UBE2D3: variants seen among roughly 807,000 people sequenced by gnomAD.
UBE2D3 encodes the protein ubiquitin-conjugating enzyme E2 D3.
UBE2D3 carries 2 observed loss-of-function variants against 22.8 expected under a neutral mutation model. The ratio of observed to expected loss-of-function variants is 0.09; its 90% CI spans 0.04 to 0.28. UBE2D3 has a LOEUF of 0.28. Among genes scored for constraint, UBE2D3 ranks in the 10% least tolerant of loss-of-function variants. The pLI is 1.00. For synonymous variants in UBE2D3, 56 were observed against 60.4 expected (o/e 0.93, Z 0.34); for missense variants, 27 against 182.5 (o/e 0.15, Z 4.91).
intron 1 of UBE2D3, among the ~76,000 whole-genome samples, chr4:102,834,560 G>T (rs990422472): frequency 6.6e-6 from 1 of 151,836 alleles, no homozygotes; most frequent in Non-Finnish European, 1.5e-5. Flanking sequence ...GACCATCTTG[G>T]GCAACATGGC....
chr4:102,845,231 A>G (rs546808441), intron 1 of UBE2D3, among the ~76,000 whole-genome samples: 6 of 152,196 alleles, frequency 3.9e-5, no homozygotes, highest in African/African-American at 1.2e-4. Context: ...AAACAAAACA[A>G]AACAAAACAA....
upstream of UBE2D3, chr4:102,828,332 C>T: frequency 1.1e-6 from 1 of 924,432 alleles, no homozygotes; most frequent in Non-Finnish European, 1.3e-6. Context: ...GCAGTATTTA[C>T]TCGCCTGCCC....
At chr4:102,804,994 G>A (rs1363648748) in intron 4 of UBE2D3, among the ~76,000 whole-genome samples, 4 of 152,122 alleles carry the variant, frequency 2.6e-5, no homozygotes, top group Admixed American at 2.0e-4. Context: ...CCCAAACATT[G>A]AAGTTTTAAT....
intron 1 of UBE2D3, among the ~76,000 whole-genome samples, chr4:102,854,570 A>T (rs77817550): frequency 0.012 from 1,808 of 152,292 alleles, 19 homozygotes; most frequent in African/African-American, 0.036. Context: ...TCTATCCCTG[A>T]CAGTTTTCCT....
Position 102,809,657 on chromosome 4 carries a change from A to C in UBE2D3, c.120+15T>G. On this transcript the variant is annotated intron_variant, in intron 4 of 7. Coordinates refer to ENST00000453744, the MANE Select transcript of UBE2D3 (RefSeq NM_181891.3). ...TTTTCACTTAAAACTAAATTTAAAA[A>C]TTCTTAATACTTACAGGTCCCATAA... is the stretch of plus-strand genomic sequence containing the variant. 6.3e-6 allele frequency: 10 copies of C among 1,586,722 alleles called. No individual in the cohort carries two copies. The highest frequency in any genetic ancestry group is 8.5e-6 in the Non-Finnish European group (10 of 1,171,060).
intron 1 of UBE2D3, 172 bp downstream of exon 1, chr4:102,827,255 C>G: frequency 2.1e-6 from 2 of 965,580 alleles, no homozygotes; most frequent in Non-Finnish European, 2.5e-6. Flanking sequence ...GCGCCCATTC[C>G]CCCTCCTCCT....
intron 1 of UBE2D3, among the ~76,000 whole-genome samples, chr4:102,867,944 G>A (rs1733230863): frequency 1.3e-5 from 2 of 152,096 alleles, no homozygotes; most frequent in Non-Finnish European, 2.9e-5. Flanking sequence ...ATTAGTGTTA[G>A]TGTATTTATG....
chr4:102,840,597 C>T (rs1033467234), intron 1 of UBE2D3, among the ~76,000 whole-genome samples: 8 of 151,844 alleles, frequency 5.3e-5, no homozygotes, highest in East Asian at 3.9e-4. Context: ...GATGAAGAGA[C>T]GTTGGTGAAT....
At chr4:102,826,695 T>A in intron 1 of UBE2D3, 59 bp from the exon 2 acceptor site, 4 of 1,468,306 alleles carry the variant, frequency 2.7e-6, no homozygotes, top group Non-Finnish European at 3.6e-6. Flanking sequence ...CCCTGATGAA[T>A]CCAGGTCCCT....
chr4:102,807,682 TAAAAAATG>T (rs1266834627), intron 4 of UBE2D3, among the ~76,000 whole-genome samples: 1 of 152,024 alleles, frequency 6.6e-6, no homozygotes, highest in Non-Finnish European at 1.5e-5. Flanking sequence ...AATATATATT[TAAAAAATG>T]AAAAAAGGTA....
At chr4:102,839,248 TATATC>T (rs142726938) in intron 1 of UBE2D3, among the ~76,000 whole-genome samples, 2,446 of 152,118 alleles carry the variant, frequency 0.016, 64 homozygotes, top group African/African-American at 0.053. Flanking sequence ...AAGAAAGAAA[TATATC>T]ATATGACTTT....
intron 2 of UBE2D3, chr4:102,810,289 T>C (rs746617214): frequency 6.5e-6 from 1 of 153,400 alleles, no homozygotes; most frequent in Non-Finnish European, 1.4e-5. Flanking sequence ...CTCTATTTTC[T>C]ACCTGAAAAC....
At chr4:102,804,558 A>G (rs926420304) in intron 4 of UBE2D3, among the ~76,000 whole-genome samples, 2 of 152,202 alleles carry the variant, frequency 1.3e-5, no homozygotes, top group African/African-American at 4.8e-5. Flanking sequence ...TTAAATAGTT[A>G]TATTAATTTT....
At chr4:102,840,817 T>C (rs550146748) in intron 1 of UBE2D3, among the ~76,000 whole-genome samples, 1 of 152,244 alleles carries the variant, frequency 6.6e-6, no homozygotes, top group South Asian at 2.1e-4. Flanking sequence ...CATAAATATG[T>C]AAACTATTAT....
At chr4:102,846,791 C>T (rs1732058844) in intron 1 of UBE2D3, among the ~76,000 whole-genome samples, 1 of 151,720 alleles carries the variant, frequency 6.6e-6, no homozygotes, top group Non-Finnish European at 1.5e-5. Flanking sequence ...AGGCGCAAAC[C>T]ACCATGCATG....
chr4:102,834,769 CTTTTTT>C (rs1229110359), intron 1 of UBE2D3, among the ~76,000 whole-genome samples: 1 of 143,324 alleles, frequency 7.0e-6, no homozygotes, highest in Non-Finnish European at 1.5e-5. Flanking sequence ...AAAGATTCAA[CTTTTTT>C]TTTTTTTGTC....
chr4:102,800,279 T>C (rs1028730392), intron 6 of UBE2D3, among the ~76,000 whole-genome samples: 2 of 152,012 alleles, frequency 1.3e-5, no homozygotes, highest in African/African-American at 4.8e-5. Flanking sequence ...CACATATTTA[T>C]TGACTACAGC....
intron 1 of UBE2D3, among the ~76,000 whole-genome samples, chr4:102,855,143 CAG>C (rs1379704098): frequency 3.3e-5 from 5 of 152,316 alleles, no homozygotes; most frequent in South Asian, 2.1e-4. Context: ...ACTAGAGAAA[CAG>C]TAGCAAAGAG....
At chr4:102,817,992 A>C (rs1199450557) in intron 2 of UBE2D3, among the ~76,000 whole-genome samples, 2 of 152,206 alleles carry the variant, frequency 1.3e-5, no homozygotes, top group African/African-American at 2.4e-5. Flanking sequence ...CCTTCCTAGC[A>C]GTCTAGAGGA....
Sources: gnomAD v4.1 joint callset for allele counts (sites outside exome capture counted in the v4.1 genomes callset) on GRCh38, gnomAD v4.1.1 for gene constraint, MANE v1.5 for transcripts, NCBI Gene and HGNC (gene_info 2026-07-23, HGNC 2026-07-21) for gene names.